DCLK2: variants seen among roughly 807,000 people sequenced by gnomAD.
DCLK2 encodes the protein serine/threonine-protein kinase DCLK2.
DCLK2 carries 31 observed loss-of-function variants against 78.4 expected under a neutral mutation model. The observed-to-expected ratio is 0.40, with a 90% CI of 0.30 to 0.53. The LOEUF is 0.53. Among genes scored for constraint, DCLK2 ranks in the 20% least tolerant of loss-of-function variants. The pLI is 0.61. For missense variants in DCLK2, 872 were observed against 973.7 expected (o/e 0.90, Z 1.39); for synonymous variants, 407 against 374.9 (o/e 1.09, Z -0.99).
At chr4:150,242,498 C>T (rs568505567) in intron 12 of DCLK2, among the ~76,000 whole-genome samples, 1 of 152,334 alleles carries the variant, frequency 6.6e-6, no homozygotes, top group African/African-American at 2.4e-5. Context: ...GAGTGTGAAA[C>T]AATTGCATGG....
At chr4:150,165,176 A>C (rs973861587) in intron 2 of DCLK2, among the ~76,000 whole-genome samples, 5 of 152,242 alleles carry the variant, frequency 3.3e-5, no homozygotes, top group Admixed American at 3.3e-4. Context: ...CACTTTTAAC[A>C]ACTGCTGAGG....
At chr4:150,157,638 C>T (rs147592326) in intron 2 of DCLK2, among the ~76,000 whole-genome samples, 133 of 151,926 alleles carry the variant, frequency 8.8e-4, no homozygotes, top group African/African-American at 2.8e-3. Flanking sequence ...TCAACCTCCC[C>T]AGTAGCTAGG....
At chr4:150,237,935 AATAGACT>A (rs144290380) in intron 10 of DCLK2, among the ~76,000 whole-genome samples, 2,219 of 152,304 alleles carry the variant, frequency 0.015, 56 homozygotes, top group African/African-American at 0.051. Flanking sequence ...CCAAGAGACA[AATAGACT>A]ATACACTCAG....
At chr4:150,206,819 A>T (rs561148276) in intron 5 of DCLK2, among the ~76,000 whole-genome samples, 1 of 152,168 alleles carries the variant, frequency 6.6e-6, no homozygotes, top group African/African-American at 2.4e-5. Flanking sequence ...TGAAAATTTC[A>T]TCTCATTACA....
rs1409025509 is a variant in DCLK2, at chr4:150,079,020, C to T, written c.-8C>T. 1.6e-5 allele frequency: 24 copies of T among 1,525,068 alleles called. No homozygotes were observed. Among genetic ancestry groups the T allele is most frequent in the Non-Finnish European group, 2.0e-5 (23 of 1,140,878 alleles). 94.5% of individuals were successfully genotyped at this position (1,525,068 alleles called of 1,614,324 possible). On this transcript the variant is annotated 5_prime_UTR_variant, in exon 1 of 16. Coordinates refer to ENST00000296550, the MANE Select transcript of DCLK2 (RefSeq NM_001040260.4). ...CGTCTTTTTGCGGACGCCCTCGGAG[C>T]AGCCGCGATGGCCAGCACCAGGAGT... is the stretch of plus-strand genomic sequence containing the variant.
rs751464617 is a variant in DCLK2, at chr4:150,249,700, C to T, written c.2073+16C>T. ...CGTCATCATGGTGAGTGGAAGGCGG[C>T]AGGTCTGGCCTGACTGCGGAGCCGG... On this transcript the variant is annotated intron_variant, in intron 15 of 15. Coordinates refer to ENST00000296550, the MANE Select transcript of DCLK2 (RefSeq NM_001040260.4). 6 of 1,602,428 alleles carry T rather than the reference C, an allele frequency of 3.7e-6. No individual in the cohort carries two copies. In the Admixed American group the frequency reaches 5.0e-5, roughly 13 times the overall value.
chr4:150,122,734 C>T (rs924370716), intron 2 of DCLK2, among the ~76,000 whole-genome samples: 2 of 152,128 alleles, frequency 1.3e-5, no homozygotes, highest in East Asian at 3.9e-4. Flanking sequence ...CACATGTATC[C>T]CAGAGCTTAA....
chr4:150,152,391 C>A (rs1209524693), intron 2 of DCLK2, among the ~76,000 whole-genome samples: 1 of 152,182 alleles, frequency 6.6e-6, no homozygotes, highest in Non-Finnish European at 1.5e-5. Context: ...AAGAGATTTT[C>A]CTGCCTCAGC....
intron 2 of DCLK2, among the ~76,000 whole-genome samples, chr4:150,175,066 ATATATATT>A (rs1429680987): frequency 9.9e-5 from 1 of 10,058 alleles, no homozygotes; most frequent in African/African-American, 2.6e-4. Context: ...ATATATATTT[ATATATATT>A]TATATATTTA....
At position 150,123,169 on chromosome 4, in the gene DCLK2, G is replaced by T. The variant is rs570462147; in HGVS notation, c.756+20357G>T. On this transcript the variant is annotated intron_variant, in intron 2 of 15. Transcript: ENST00000296550. Reference sequence around the variant, plus strand: ...TTGCCTTCATAACTCAACTGTTTGGGGGAAGAAGCCTAGCTTTTGGCCTGT... The same window carrying T: ...TTGCCTTCATAACTCAACTGTTTGGTGGAAGAAGCCTAGCTTTTGGCCTGT... Among the ~76,000 whole-genome samples the T allele has an allele frequency of 8.5e-5, 13 of 152,238 alleles. No individual in the cohort carries two copies. The South Asian group carries it at 2.1e-3, about 24-fold the overall frequency.
intron 2 of DCLK2, among the ~76,000 whole-genome samples, chr4:150,130,190 C>T (rs1733202336): frequency 1.3e-5 from 2 of 152,046 alleles, no homozygotes; most frequent in South Asian, 2.1e-4. Context: ...TGAGAGCCCC[C>T]CTTACCTGCC....
At chr4:150,120,625 G>T (rs1732460870) in intron 2 of DCLK2, among the ~76,000 whole-genome samples, 1 of 152,124 alleles carries the variant, frequency 6.6e-6, no homozygotes, top group African/African-American at 2.4e-5. Flanking sequence ...ACACAATAAA[G>T]TGAATATAAA....
chr4:150,213,037 A>G (rs1380039817), intron 5 of DCLK2, among the ~76,000 whole-genome samples: 1 of 152,228 alleles, frequency 6.6e-6, no homozygotes, highest in Non-Finnish European at 1.5e-5. Context: ...TTTAGCAAGT[A>G]GGCATGGTCA....
intron 8 of DCLK2, among the ~76,000 whole-genome samples, chr4:150,231,531 T>C (rs1446976213): frequency 6.6e-6 from 1 of 152,146 alleles, no homozygotes; most frequent in Non-Finnish European, 1.5e-5. Context: ...TGTTGAGAGG[T>C]CTTAATGTCT....
intron 2 of DCLK2, among the ~76,000 whole-genome samples, chr4:150,152,778 TCCTA>T (rs1734989911): frequency 1.3e-5 from 2 of 152,226 alleles, no homozygotes. Flanking sequence ...TTTTTTAAAA[TCCTA>T]CCTCTTTTAT....
intron 2 of DCLK2, among the ~76,000 whole-genome samples, chr4:150,156,665 G>T (rs914044466): frequency 6.6e-6 from 1 of 151,674 alleles, no homozygotes; most frequent in African/African-American, 2.4e-5. Flanking sequence ...CTGAGGCTCT[G>T]ACACACATGC....
intron 2 of DCLK2, among the ~76,000 whole-genome samples, chr4:150,177,679 A>G (rs1737193424): frequency 6.6e-6 from 1 of 152,358 alleles, no homozygotes; most frequent in South Asian, 2.1e-4. Context: ...GGAGAGTGTA[A>G]GAAAAACTAA....
chr4:150,123,265 C>T (rs1238376370), intron 2 of DCLK2, among the ~76,000 whole-genome samples: 2 of 152,170 alleles, frequency 1.3e-5, no homozygotes, highest in Non-Finnish European at 2.9e-5. Context: ...GAGAGATTGA[C>T]TCTTCCTTTC....
At chr4:150,224,647 G>T in intron 8 of DCLK2, 89 bp downstream of exon 8, 1 of 1,070,732 alleles carries the variant, frequency 9.3e-7, no homozygotes, top group South Asian at 1.6e-5. Context: ...GTGGGGACTT[G>T]ACACAACTAT....
Sources: gnomAD v4.1 joint callset for allele counts (sites outside exome capture counted in the v4.1 genomes callset) on GRCh38, gnomAD v4.1.1 for gene constraint, MANE v1.5 for transcripts, NCBI Gene and HGNC (gene_info 2026-07-23, HGNC 2026-07-21) for gene names.